DNASE1: variants seen among roughly 807,000 people sequenced by gnomAD.
DNASE1 encodes the protein deoxyribonuclease 1.
DNASE1 carries 40 observed loss-of-function variants against 33.9 expected under a neutral mutation model. The observed-to-expected ratio is 1.18, with a 90% confidence interval of 0.92 to 1.54. The LOEUF is 1.54. Among genes scored for constraint, DNASE1 ranks in the 40% most tolerant of loss-of-function variants. DNASE1 has a pLI of 0.00. For missense variants in DNASE1, 518 were observed against 372.6 expected, an observed-to-expected ratio of 1.39 and a Z score of -3.21; for synonymous variants, 216 against 160.0, an observed-to-expected ratio of 1.35 and a Z score of -2.64.
intron 1 of DNASE1, among the ~76,000 whole-genome samples, chr16:3,618,016 T>G (rs1444077415): frequency 6.6e-6 from 1 of 151,140 alleles, no homozygotes; most frequent in African/African-American, 2.4e-5. Flanking sequence ...GAAAGAACTT[T>G]TACAACTCAA....
Position 3,637,369 on chromosome 16 carries a change from G to C in DNASE1, c.-1358-3346G>C, listed in dbSNP as rs146823593. On this transcript the variant is annotated intron_variant and NMD_transcript_variant, in intron 1 of 11. Coordinates refer to the DNASE1 transcript ENST00000570769. ...GTTATTATATAGGAGCCCTATTTATGTGGTGGGAAGGAGGGGAAGTGTCCT... is the reference window on the plus strand; with the variant it reads ...GTTATTATATAGGAGCCCTATTTATCTGGTGGGAAGGAGGGGAAGTGTCCT... Among the ~76,000 whole-genome samples, 643 of 152,272 alleles carry C rather than the reference G, an allele frequency of 4.2e-3. 7 individuals carry two copies. The highest frequency in any genetic ancestry group is 0.015 in the African/African-American group (608 of 41,544).
chr16:3,658,638 A>G, downstream of DNASE1: 1 of 725,780 alleles, frequency 1.4e-6, no homozygotes, highest in Non-Finnish European at 2.3e-6. Context: ...GCGCCACTGC[A>G]CTCCAGCCTG....
chr16:3,655,818 C>G (rs181314680), intron 2 of DNASE1, 31 bp from the exon 3 acceptor site: 19,140 of 1,611,750 alleles, frequency 0.012, 173 homozygotes, highest in Non-Finnish European at 0.014. Flanking sequence ...GGCACCAGCC[C>G]TGCTCAGCAC....
chr16:3,655,171 T>C, intron 1 of DNASE1, 127 bp downstream of exon 1: 2 of 685,732 alleles, frequency 2.9e-6, no homozygotes, highest in Non-Finnish European at 4.8e-6. Context: ...GGTTTTCTGG[T>C]GGATGGAGGA....
rs908137861 is a variant in DNASE1 at position 3,657,102 on chromosome 16, G to C, written c.540G>C (p.Trp180Cys). 4 of 1,614,000 alleles carry C rather than the reference G, an allele frequency of 2.5e-6. No homozygotes were observed. The highest frequency in any genetic ancestry group is 1.3e-5 in the African/African-American group (1 of 74,940). ...TCTACCTGGATGTCCAAGAGAAATG[G>C]GGCTTGGAGGTGAGGCCCTCCCAGG... The part of the protein sequence containing the change: ...YDVYLDVQEK[W>C]GLEDVMLMGD... The change falls in exon 6 of 9, where the codon TGG becomes TGC. Residue 180 changes from tryptophan to cysteine, a missense_variant. By Grantham distance (215) the Trp-to-Cys change is radical. Coordinates refer to ENST00000246949, the MANE Select transcript of DNASE1 (RefSeq NM_005223.4).
intron 1 of DNASE1, among the ~76,000 whole-genome samples, chr16:3,628,968 T>C (rs1425348524): frequency 4.7e-5 from 7 of 149,330 alleles, no homozygotes; most frequent in Non-Finnish European, 1.0e-4. Context: ...GGTCAGGAGT[T>C]TGAGACTAGC....
chr16:3,648,164 G>C (rs1378581275), intron 1 of DNASE1, among the ~76,000 whole-genome samples: 1 of 152,208 alleles, frequency 6.6e-6, no homozygotes, highest in Non-Finnish European at 1.5e-5. Context: ...GCAAGAACCT[G>C]TCTCAAAAGA....
At chr16:3,638,396 G>C (rs2151187979), upstream of DNASE1, among the ~76,000 whole-genome samples, 1 of 152,238 alleles carries the variant, frequency 6.6e-6, no homozygotes, top group East Asian at 1.9e-4. Context: ...GGAGTACAGT[G>C]GCGCAATCTT....
intron 1 of DNASE1, among the ~76,000 whole-genome samples, chr16:3,626,780 A>G (rs2041525925): frequency 6.6e-6 from 1 of 152,014 alleles, no homozygotes; most frequent in Non-Finnish European, 1.5e-5. Context: ...TTTATTTTGA[A>G]TCTCTTTTGT....
exon 10 of DNASE1, chr16:3,663,503 G>A (rs202156214): frequency 1.9e-6 from 3 of 1,614,146 alleles, no homozygotes; most frequent in African/African-American, 1.3e-5. Context: ...GCTTCTTCTT[G>A]TCAAACTCAC....
upstream of DNASE1, chr16:3,654,332 G>GC (rs2042458896): frequency 5.0e-6 from 2 of 398,640 alleles, no homozygotes; most frequent in South Asian, 2.6e-4. Flanking sequence ...GGTGCTGCAG[G>GC]CCCCCACCAC....
Position 3,657,980 on chromosome 16 carries a change from T to C in DNASE1, c.*27T>C, listed in dbSNP as rs200822160. ...CAGCCCCTCCCCACACCAGTTGAAC[T>C]GCAGGAAGAGAGGACCCATCCTGCC... On this transcript the variant is annotated 3_prime_UTR_variant, in exon 9 of 9. Transcript: ENST00000246949. The C allele has an allele frequency of 2.6e-4, 423 of 1,613,332 alleles. 1 individual carries two copies. Among genetic ancestry groups the C allele is most frequent in the Non-Finnish European group, 3.4e-4 (406 of 1,179,864 alleles).
At chr16:3,636,560 G>A (rs565785300) in intron 1 of DNASE1, among the ~76,000 whole-genome samples, 5 of 152,320 alleles carry the variant, frequency 3.3e-5, no homozygotes, top group Admixed American at 2.0e-4. Context: ...GGTGGCTCAC[G>A]CCTGTAATCC....
chr16:3,660,277 A>G (rs563892764), downstream of DNASE1: 1 of 152,264 alleles, frequency 6.6e-6, no homozygotes, highest in South Asian at 2.1e-4. Context: ...GTAGGAGGAA[A>G]TTTTCCCCTG....
rs2042809830 is a variant in DNASE1, at chr16:3,657,979, C to A, written c.*26C>A. ...GCAGCCCCTCCCCACACCAGTTGAA[C>A]TGCAGGAAGAGAGGACCCATCCTGC... On this transcript the variant is annotated 3_prime_UTR_variant, in exon 9 of 9. Transcript: ENST00000246949. The A allele has an allele frequency of 6.2e-7, 1 of 1,613,514 alleles. No homozygotes were observed. Among genetic ancestry groups the A allele is most frequent in the South Asian group, 1.1e-5 (1 of 91,026 alleles).
rs189229287 is a variant in DNASE1, at chr16:3,631,671, C to T, written c.-1358-9044C>T. Among the ~76,000 whole-genome samples, 1,451 of 152,074 alleles carry T rather than the reference C, an allele frequency of 9.5e-3. 13 individuals carry two copies. The highest frequency in any genetic ancestry group is 0.014 in the Middle Eastern group (4 of 294). ...CCCTAGTAGTGGGATTATAAGCACG[C>T]ACTACCATGCCCGGCTAATTTTTGT... On this transcript the variant is annotated intron_variant and NMD_transcript_variant, in intron 1 of 11. Transcript: ENST00000570769.
exon 10 of DNASE1, chr16:3,663,415 G>A (rs1214564338): frequency 6.2e-7 from 1 of 1,614,050 alleles, no homozygotes; most frequent in South Asian, 1.1e-5. Context: ...GAGAGCAGGG[G>A]ATGCCGACCT....
At chr16:3,640,793 C>G (rs982724096), upstream of DNASE1, 1 of 398,482 alleles carries the variant, frequency 2.5e-6, no homozygotes, top group African/African-American at 2.1e-5. Flanking sequence ...AGTGGCCTCC[C>G]CAGCAAGTTG....
chr16:3,628,755 T>A (rs1310424919), intron 1 of DNASE1, among the ~76,000 whole-genome samples: 1 of 147,372 alleles, frequency 6.8e-6, no homozygotes, highest in African/African-American at 2.5e-5. Context: ...GAGACGGGGT[T>A]TCACCGTGTT....
Sources: gnomAD v4.1 joint callset for allele counts (sites outside exome capture counted in the v4.1 genomes callset) on GRCh38, gnomAD v4.1.1 for gene constraint, MANE v1.5 for transcripts, NCBI Gene and HGNC (gene_info 2026-07-23, HGNC 2026-07-21) for gene names.